The following CCDC171 variants were observed in gnomAD, a reference collection of about 807,000 sequenced individuals.
The protein encoded by CCDC171 is coiled-coil domain-containing protein 171.
In CCDC171, 177 loss-of-function variants were observed where a neutral mutation model predicts 168.2. That is an observed-to-expected ratio of 1.05 (90% confidence interval 0.93 to 1.19). CCDC171 has a LOEUF of 1.19. Ranked by LOEUF, CCDC171 falls within the 50% of genes most tolerant of loss-of-function variation. The pLI is 0.00. For missense variants in CCDC171, 1,991 were observed against 1,539.0 expected (o/e 1.29, Z -4.91); for synonymous variants, 687 against 540.8 (o/e 1.27, Z -3.75).
intron 12 of CCDC171, 150 bp from the exon 13 acceptor site, chr9:15,723,531 A>G: frequency 1.7e-6 from 1 of 591,124 alleles, no homozygotes; most frequent in Non-Finnish European, 3.0e-6. Context: ...ATAATTTTTT[A>G]AAGACTCTTA....
chr9:15,834,178 T>C (rs754453681), intron 21 of CCDC171, among the ~76,000 whole-genome samples: 2 of 152,190 alleles, frequency 1.3e-5, no homozygotes, highest in Non-Finnish European at 2.9e-5. Flanking sequence ...GACTCAGCAA[T>C]GGTTTTGTTT....
In CCDC171 at chr9:15,791,476, C is replaced by T. The variant is rs537434126; in HGVS notation, c.3267+6782C>T. On this transcript the variant is annotated intron_variant, in intron 21 of 25. Coordinates refer to ENST00000380701, the MANE Select transcript of CCDC171 (RefSeq NM_173550.4). The stretch of plus-strand genomic sequence containing the variant: ...CTGAGACTTTGCTGAAGTTGCTTAT[C>T]AGCTTAAAGAGATTTTGGGCTGAGG... 5.9e-5 allele frequency among the ~76,000 whole-genome samples: 9 copies of T among 152,244 alleles called. No individual in the cohort carries two copies. The South Asian group carries it at 1.7e-3, about 28-fold the overall frequency.
chr9:15,591,665 T>TTCCTTCCTCCC, intron 5 of CCDC171, 109 bp downstream of exon 5: 1 of 665,102 alleles, frequency 1.5e-6, no homozygotes. Flanking sequence ...TCCTTCCTCC[T>TTCCTTCCTCCC]TCCTTCCTCC....
At chr9:15,761,460 T>C (rs1006031216) in intron 18 of CCDC171, among the ~76,000 whole-genome samples, 1 of 152,120 alleles carries the variant, frequency 6.6e-6, no homozygotes, top group African/African-American at 2.4e-5. Flanking sequence ...CTACTCCAAG[T>C]GTGGTCCATG....
Position 15,745,553 on chromosome 9 carries a change from A to T in CCDC171, c.2593A>T (p.Ser865Cys), listed in dbSNP as rs1340337173. The change falls in exon 18 of 26, where the codon AGT (serine) becomes TGT (cysteine). Residue 865 changes from serine (S) to cysteine (C), a missense_variant. Physicochemically the swap from Ser to Cys is moderately radical, Grantham distance 112 (BLOSUM62 -1). Coordinates refer to ENST00000380701, the MANE Select transcript of CCDC171 (RefSeq NM_173550.4). ...KEQLRCLQAL[S>C]WLTSSDLLAA... ...GCAGTTGCGTTGTTTACAAGCGCTC[A>T]GTTGGCTCACCAGTTCTGACCTTCT... is the stretch of plus-strand genomic sequence containing the variant. The T allele has an allele frequency of 6.3e-7, 1 of 1,589,752 alleles. No individual in the cohort carries two copies. The highest frequency in any genetic ancestry group is 8.5e-7 in the Non-Finnish European group (1 of 1,170,428).
At chr9:16,020,132 G>A (rs549194562) in intron 3 of CCDC171, among the ~76,000 whole-genome samples, 2 of 152,050 alleles carry the variant, frequency 1.3e-5, no homozygotes, top group African/African-American at 2.4e-5. Flanking sequence ...CTTGAGCATC[G>A]ACATGATGCC....
intron 7 of CCDC171, among the ~76,000 whole-genome samples, chr9:15,630,802 A>C (rs563321980): frequency 6.6e-6 from 1 of 152,396 alleles, no homozygotes; most frequent in East Asian, 1.9e-4. Context: ...GTAAAAGATG[A>C]GAAATTATAA....
At chr9:15,886,644 C>T (rs1419961867) in intron 24 of CCDC171, 2 of 151,968 alleles carry the variant, frequency 1.3e-5, no homozygotes, top group African/African-American at 4.8e-5. Context: ...AAACCGTTGT[C>T]TTGAAGACAT....
At chr9:15,641,740 C>G (rs533252395) in intron 7 of CCDC171, among the ~76,000 whole-genome samples, 2 of 151,970 alleles carry the variant, frequency 1.3e-5, no homozygotes, top group South Asian at 2.1e-4. Context: ...ATAAATTACA[C>G]CAAAAAAGAG....
intron 1 of CCDC171, among the ~76,000 whole-genome samples, chr9:16,059,979 A>G (rs1369541497): frequency 1.3e-5 from 2 of 152,194 alleles, no homozygotes; most frequent in African/African-American, 2.4e-5. Context: ...TGCTGTGTGA[A>G]AAACAAATAA....
At chr9:15,751,245 G>C (rs1283789864) in intron 18 of CCDC171, among the ~76,000 whole-genome samples, 1 of 152,130 alleles carries the variant, frequency 6.6e-6, no homozygotes, top group East Asian at 1.9e-4. Context: ...CCTCTTCAAG[G>C]AGAACTACAA....
intron 18 of CCDC171, among the ~76,000 whole-genome samples, chr9:15,776,606 A>C (rs1010994889): frequency 2.0e-5 from 3 of 152,240 alleles, no homozygotes; most frequent in Non-Finnish European, 4.4e-5. Flanking sequence ...ATTGAGGAAT[A>C]AAATAAGTAG....
chr9:15,711,747 G>A (rs1190539407), intron 11 of CCDC171, among the ~76,000 whole-genome samples: 1 of 152,192 alleles, frequency 6.6e-6, no homozygotes, highest in African/African-American at 2.4e-5. Flanking sequence ...AATGTGTATT[G>A]CTTTGGCACT....
intron 24 of CCDC171, among the ~76,000 whole-genome samples, chr9:15,914,494 C>G (rs1475109952): frequency 6.6e-6 from 1 of 152,094 alleles, no homozygotes; most frequent in Non-Finnish European, 1.5e-5. Flanking sequence ...GACATGTCTC[C>G]CCACACCAAG....
chr9:15,941,457 TA>T (rs959549682), intron 25 of CCDC171, among the ~76,000 whole-genome samples: 3 of 151,552 alleles, frequency 2.0e-5, no homozygotes, highest in Admixed American at 1.3e-4. Flanking sequence ...TAGGAAACCT[TA>T]AAAAAAACAC....
At chr9:15,906,730 A>T (rs1822693562) in intron 24 of CCDC171, among the ~76,000 whole-genome samples, 2 of 152,136 alleles carry the variant, frequency 1.3e-5, no homozygotes, top group African/African-American at 4.8e-5. Context: ...AGGAAGTCAA[A>T]TTGTCCCTGT....
chr9:15,850,036 A>T (rs2130799549), intron 23 of CCDC171, among the ~76,000 whole-genome samples: 1 of 152,068 alleles, frequency 6.6e-6, no homozygotes, highest in South Asian at 2.1e-4. Context: ...TTAGCTAGTC[A>T]GTATAGTTTA....
At chr9:15,689,404 T>G (rs192500901) in intron 10 of CCDC171, among the ~76,000 whole-genome samples, 133 of 152,248 alleles carry the variant, frequency 8.7e-4, no homozygotes, top group Admixed American at 1.6e-3. Context: ...AAGCAGATCC[T>G]AAAACACATA....
At chr9:15,772,567 A>C (rs921963727) in intron 18 of CCDC171, among the ~76,000 whole-genome samples, 1 of 152,204 alleles carries the variant, frequency 6.6e-6, no homozygotes, top group Admixed American at 6.5e-5. Flanking sequence ...ACTTAAAAGG[A>C]GTTGCATATA....
Sources: allele counts gnomAD v4.1 joint callset (sites outside exome capture counted in the v4.1 genomes callset), GRCh38; gene constraint gnomAD v4.1.1; transcripts MANE v1.5; gene names NCBI Gene and HGNC (gene_info 2026-07-23, HGNC 2026-07-21).